Variants in WDR76 observed in about 807,000 individuals in gnomAD.
The protein encoded by WDR76 is WD repeat domain 76.
A neutral mutation model predicts 70.2 loss-of-function variants in WDR76; 52 were observed. The ratio of observed to expected loss-of-function variants is 0.74; its 90% CI spans 0.59 to 0.93. The LOEUF (loss-of-function observed/expected upper bound fraction) is 0.93. WDR76 is among the 40% of genes least tolerant of loss of function. The pLI is 0.00. For synonymous variants in WDR76, 292 were observed against 271.1 expected, an observed-to-expected ratio of 1.08 and a Z score of -0.76; for missense variants, 756 against 760.2, an observed-to-expected ratio of 0.99 and a Z score of 0.07.
At chr15:43,859,420 CT>C (rs1180273881) in intron 11 of WDR76, among the ~76,000 whole-genome samples, 2 of 152,136 alleles carry the variant, frequency 1.3e-5, no homozygotes, top group Non-Finnish European at 2.9e-5. Context: ...TTATTTTGTT[CT>C]CTTTTAGAAT....
At position 43,843,843 on chromosome 15, in the gene WDR76, T is replaced by C. The variant is rs941361475; in HGVS notation, c.879-58T>C. 9 of 1,401,794 alleles carry C rather than the reference T, an allele frequency of 6.4e-6. No homozygotes were observed. In the African/African-American group the frequency reaches 1.2e-4, roughly 18 times the overall value. The allele number at this position is 1,401,794 out of a possible 1,614,324, so 86.8% of individuals were successfully genotyped here. On this transcript the variant is annotated intron_variant, in intron 7 of 12. Transcript: ENST00000263795. ...TTTTTCTTTTTGAATAATCTTTTAC[T>C]TATTTTGACTATTGAGATTGGTTTT...
chr15:43,842,885 A>C (rs1039250469), intron 7 of WDR76, among the ~76,000 whole-genome samples: 2 of 152,134 alleles, frequency 1.3e-5, no homozygotes, highest in Admixed American at 6.5e-5. Context: ...CAAGAATTCT[A>C]TTTCAATAAC....
intron 3 of WDR76, among the ~76,000 whole-genome samples, chr15:43,835,822 A>T (rs1390937614): frequency 6.6e-6 from 1 of 151,718 alleles, no homozygotes; most frequent in Non-Finnish European, 1.5e-5. Flanking sequence ...CCACGCCTGT[A>T]ATTTTTGTAT....
intron 11 of WDR76, among the ~76,000 whole-genome samples, chr15:43,860,910 CTTTT>C (rs34504509): frequency 5.1e-5 from 4 of 78,994 alleles, no homozygotes; most frequent in African/African-American, 1.1e-4. Flanking sequence ...TGATCTTACT[CTTTT>C]TTTTTTTTTT....
At chr15:43,834,275 G>A (rs957420537) in intron 2 of WDR76, among the ~76,000 whole-genome samples, 4 of 146,132 alleles carry the variant, frequency 2.7e-5, no homozygotes, top group African/African-American at 1.0e-4. Context: ...TTTAAGGGAA[G>A]TTTTTTTGTT....
chr15:43,856,817 G>A (rs1567191600), intron 9 of WDR76, 129 bp from the exon 10 acceptor site: 2 of 735,976 alleles, frequency 2.7e-6, no homozygotes, highest in Admixed American at 2.9e-5. Context: ...TGCATCTGAT[G>A]GGGATGATGA....
At chr15:43,835,310 C>T (rs2087642317) in intron 3 of WDR76, among the ~76,000 whole-genome samples, 160 bp downstream of exon 3, 1 of 133,058 alleles carries the variant, frequency 7.5e-6, no homozygotes, top group South Asian at 2.7e-4. Flanking sequence ...CCGCCCCCCG[C>T]CCCCCACCCC....
chr15:43,841,638 C>A (rs979976543), intron 5 of WDR76, among the ~76,000 whole-genome samples: 2 of 152,094 alleles, frequency 1.3e-5, no homozygotes, highest in African/African-American at 4.8e-5. Context: ...TGTACCTGGC[C>A]TGGTATTTCT....
At chr15:43,861,077 G>A (rs2140313260) in intron 11 of WDR76, among the ~76,000 whole-genome samples, 1 of 151,604 alleles carries the variant, frequency 6.6e-6, no homozygotes, top group African/African-American at 2.4e-5. Flanking sequence ...TGTGCCCCAT[G>A]CCCAGCTAAT....
chr15:43,863,459 G>C (rs2140314773), intron 12 of WDR76, among the ~76,000 whole-genome samples: 1 of 151,070 alleles, frequency 6.6e-6, no homozygotes, highest in South Asian at 2.1e-4. Flanking sequence ...TAGACCTCTT[G>C]AATGTATTTC....
intron 2 of WDR76, among the ~76,000 whole-genome samples, chr15:43,829,773 T>TGGAATTACA (rs923689834): frequency 6.6e-6 from 1 of 152,076 alleles, no homozygotes; most frequent in African/African-American, 2.4e-5. Context: ...CCCAAAGTGC[T>TGGAATTACA]GGAATTACAG....
At chr15:43,857,452 A>G (rs2087942288) in intron 10 of WDR76, 1 of 983,692 alleles carries the variant, frequency 1.0e-6, no homozygotes, top group South Asian at 4.7e-5. Context: ...AATTTCACAG[A>G]AAAAAAAGTT....
chr15:43,841,647 C>T (rs1182331598), intron 5 of WDR76, among the ~76,000 whole-genome samples: 1 of 151,954 alleles, frequency 6.6e-6, no homozygotes, highest in Non-Finnish European at 1.5e-5. Context: ...CCTGGTATTT[C>T]TATTCTATTC....
intron 8 of WDR76, among the ~76,000 whole-genome samples, chr15:43,847,123 G>C (rs115423840): frequency 0.011 from 1,656 of 150,936 alleles, 26 homozygotes; most frequent in African/African-American, 0.038. Context: ...CTCATTAACA[G>C]ATTTAACAAG....
rs771256972 is a variant in WDR76, at chr15:43,842,419, T to C, written c.737T>C (p.Leu246Ser). The stretch of plus-strand genomic sequence containing the variant: ...ACTTTTTATTTTTTATAACAGCCTT[T>C]GTTACCTCCTGGGCCTTTAGAAATG... ...PPTLVADETP[L>S]LPPGPLEMTS... Residue 246 changes from leucine (L) to serine (S), a missense_variant, in exon 6 of 13, where the codon TTG (leucine) becomes TCG (serine). Physicochemically the swap from Leu to Ser is moderately radical, Grantham distance 145. Transcript: ENST00000263795. 2.8e-5 allele frequency: 45 copies of C among 1,612,712 alleles called. No individual in the cohort carries two copies. The highest frequency in any genetic ancestry group is 3.7e-5 in the Non-Finnish European group (44 of 1,179,646).
chr15:43,849,284 A>G (rs562245252), intron 8 of WDR76, among the ~76,000 whole-genome samples: 2 of 152,106 alleles, frequency 1.3e-5, no homozygotes, highest in African/African-American at 4.8e-5. Flanking sequence ...AATGACTACA[A>G]TTGCTTTTTG....
chr15:43,858,314 G>A (rs556590301), intron 10 of WDR76, among the ~76,000 whole-genome samples: 3 of 141,040 alleles, frequency 2.1e-5, no homozygotes, highest in African/African-American at 8.0e-5. Context: ...GAGTGCAATG[G>A]CGCGATCTCG....
chr15:43,852,026 C>G (rs2087865785), intron 9 of WDR76, among the ~76,000 whole-genome samples: 1 of 152,186 alleles, frequency 6.6e-6, no homozygotes, highest in African/African-American at 2.4e-5. Flanking sequence ...TCACATACAT[C>G]ATTGCACTTC....
At chr15:43,832,743 G>GGTTTT (rs1465707440) in intron 2 of WDR76, among the ~76,000 whole-genome samples, 1 of 68,074 alleles carries the variant, frequency 1.5e-5, no homozygotes, top group Non-Finnish European at 2.5e-5. Context: ...GGCTTGCTTT[G>GGTTTT]TTTTTTTTTT....
Sources: allele counts gnomAD v4.1 joint callset (sites outside exome capture counted in the v4.1 genomes callset), GRCh38; gene constraint gnomAD v4.1.1; transcripts MANE v1.5; gene names NCBI Gene and HGNC (gene_info 2026-07-23, HGNC 2026-07-21).